Variants in NDUFAF6 observed in about 807,000 individuals in gnomAD.
The protein encoded by NDUFAF6 is NADH dehydrogenase (ubiquinone) complex I, assembly factor 6.
Under a neutral mutation model 40.8 loss-of-function variants are expected in NDUFAF6, and 45 were observed. The observed-to-expected ratio is 1.10, with a 90% CI of 0.87 to 1.42. The LOEUF (loss-of-function observed/expected upper bound fraction) is 1.42. Among genes scored for constraint, NDUFAF6 ranks in the 40% most tolerant of loss-of-function variants. The pLI, the probability that NDUFAF6 is intolerant of heterozygous loss-of-function variation, is 0.00. For missense variants in NDUFAF6, 435 were observed against 418.5 expected, an observed-to-expected ratio of 1.04 and a Z score of -0.34; for synonymous variants, 185 against 155.9, an observed-to-expected ratio of 1.19 and a Z score of -1.39.
chr8:94,999,632 G>T (rs1244336889), intron 2 of NDUFAF6, among the ~76,000 whole-genome samples: 2 of 149,608 alleles, frequency 1.3e-5, no homozygotes, highest in African/African-American at 4.9e-5. Flanking sequence ...GGCCAGGCTG[G>T]TCTCGAACTC....
downstream of NDUFAF6, among the ~76,000 whole-genome samples, chr8:95,106,979 AAAC>A (rs1809858769): frequency 6.6e-6 from 1 of 152,236 alleles, no homozygotes; most frequent in Admixed American, 6.5e-5. Context: ...AAAAGTCAGG[AAAC>A]AACAGATACT....
At chr8:94,917,023 G>C (rs1215044759) in intron 1 of NDUFAF6, among the ~76,000 whole-genome samples, 1 of 140,454 alleles carries the variant, frequency 7.1e-6, no homozygotes, top group African/African-American at 2.7e-5. Flanking sequence ...CTAAAGCAGA[G>C]AATCCTCTAC....
chr8:95,041,980 A>G (rs1203424966), intron 4 of NDUFAF6, among the ~76,000 whole-genome samples: 1 of 152,238 alleles, frequency 6.6e-6, no homozygotes, highest in African/African-American at 2.4e-5. Context: ...TGATTTGTAA[A>G]TACATATATA....
chr8:95,000,659 G>A (rs1826682349), intron 2 of NDUFAF6, among the ~76,000 whole-genome samples: 1 of 151,728 alleles, frequency 6.6e-6, no homozygotes, highest in African/African-American at 2.4e-5. Flanking sequence ...ATTCTGGCTG[G>A]GCGTCGTGGC....
intron 1 of NDUFAF6, among the ~76,000 whole-genome samples, chr8:95,029,512 T>C (rs1828581216): frequency 6.6e-6 from 1 of 152,224 alleles, no homozygotes; most frequent in African/African-American, 2.4e-5. Context: ...AATCAGGAAA[T>C]TAAAATTGAT....
At chr8:95,071,234 CAA>C (rs34778035) in intron 9 of NDUFAF6, among the ~76,000 whole-genome samples, 103,524 of 146,996 alleles carry the variant, frequency 0.7, 36,721 homozygotes, top group East Asian at 0.93. Context: ...ACTAAAAATA[CAA>C]AAAAAAAAAA....
At chr8:94,993,626 A>G (rs534970430) in intron 2 of NDUFAF6, among the ~76,000 whole-genome samples, 1 of 152,342 alleles carries the variant, frequency 6.6e-6, no homozygotes, top group South Asian at 2.1e-4. Context: ...CATCACAGCC[A>G]TCAATCAGCA....
intron 4 of NDUFAF6, among the ~76,000 whole-genome samples, chr8:95,042,895 C>A (rs1205707977): frequency 6.6e-6 from 1 of 152,132 alleles, no homozygotes; most frequent in African/African-American, 2.4e-5. Context: ...AAAGAACAGT[C>A]TTTGCAACAA....
At chr8:94,966,753 C>A (rs1049822262) in intron 1 of NDUFAF6, among the ~76,000 whole-genome samples, 1 of 152,132 alleles carries the variant, frequency 6.6e-6, no homozygotes, top group African/African-American at 2.4e-5. Context: ...TGTGGCCTAT[C>A]CTCAAATTTG....
At chr8:94,959,248 C>A (rs1218302472) in intron 1 of NDUFAF6, among the ~76,000 whole-genome samples, 1 of 152,142 alleles carries the variant, frequency 6.6e-6, no homozygotes, top group African/African-American at 2.4e-5. Flanking sequence ...CAATTCCTGT[C>A]TTTGAGAGCA....
At chr8:95,050,819 G>A (rs993586950) in intron 7 of NDUFAF6, among the ~76,000 whole-genome samples, 3 of 152,102 alleles carry the variant, frequency 2.0e-5, no homozygotes, top group African/African-American at 4.8e-5. Flanking sequence ...GTATACATAC[G>A]TGCCCACACA....
At chr8:94,920,056 CCAAA>C (rs1819394975) in intron 1 of NDUFAF6, among the ~76,000 whole-genome samples, 1 of 151,666 alleles carries the variant, frequency 6.6e-6, no homozygotes, top group African/African-American at 2.4e-5. Context: ...GATGTGACCT[CCAAA>C]AGAAAATGTT....
At chr8:94,935,142 TA>T (rs1820847837) in intron 1 of NDUFAF6, among the ~76,000 whole-genome samples, 1 of 151,444 alleles carries the variant, frequency 6.6e-6, no homozygotes, top group Admixed American at 6.6e-5. Flanking sequence ...GATAGATAGA[TA>T]GATAGATAGA....
intron 2 of NDUFAF6, among the ~76,000 whole-genome samples, chr8:94,946,595 G>A (rs1166359878): frequency 6.7e-6 from 1 of 150,282 alleles, no homozygotes; most frequent in Non-Finnish European, 1.5e-5. Context: ...TACCAGGGAG[G>A]CTGAGGTAGG....
chr8:94,965,969 G>T (rs1398122638), intron 1 of NDUFAF6, among the ~76,000 whole-genome samples: 1 of 152,166 alleles, frequency 6.6e-6, no homozygotes, highest in Non-Finnish European at 1.5e-5. Flanking sequence ...CTCACCCATG[G>T]TTACTCAGAA....
At chr8:94,985,223 T>C (rs1458901752) in intron 2 of NDUFAF6, among the ~76,000 whole-genome samples, 1 of 151,864 alleles carries the variant, frequency 6.6e-6, no homozygotes, top group East Asian at 1.9e-4. Flanking sequence ...ACTGGAGCTA[T>C]GGCAGCCATC....
chr8:94,972,004 A>G (rs1824506775), intron 1 of NDUFAF6, among the ~76,000 whole-genome samples: 2 of 152,198 alleles, frequency 1.3e-5, no homozygotes, highest in African/African-American at 4.8e-5. Flanking sequence ...GTAGCTGGAA[A>G]TCAACTAGCT....
upstream of NDUFAF6, among the ~76,000 whole-genome samples, chr8:95,095,865 A>G (rs907113909): frequency 1.3e-5 from 2 of 151,928 alleles, no homozygotes; most frequent in Non-Finnish European, 2.9e-5. Flanking sequence ...GGGTTTTGCA[A>G]TGTTGGCCAG....
downstream of NDUFAF6, chr8:95,058,846 G>A: frequency 1.1e-6 from 1 of 908,810 alleles, no homozygotes; most frequent in Non-Finnish European, 1.3e-6. Context: ...CTTTTAAATT[G>A]TTTGAGACCA....
Sources: allele counts gnomAD v4.1 joint callset (sites outside exome capture counted in the v4.1 genomes callset), GRCh38; gene constraint gnomAD v4.1.1; transcripts MANE v1.5; gene names NCBI Gene and HGNC (gene_info 2026-07-23, HGNC 2026-07-21).